CFAP54: variants seen among roughly 807,000 people sequenced by gnomAD.
CFAP54 encodes cilia and flagella associated protein 54.
Under a neutral mutation model 370.4 loss-of-function variants are expected in CFAP54, and 290 were observed. That is an observed-to-expected ratio of 0.78 (90% CI 0.71 to 0.86). CFAP54 has a LOEUF of 0.86. Ranked by LOEUF, CFAP54 falls within the 40% of genes least tolerant of loss-of-function variation. The probability of loss-of-function intolerance (pLI) is 0.00; values close to 1 mark genes in which losing one functional copy is unlikely to be tolerated. For synonymous variants in CFAP54, 1,206 were observed against 1,236.5 expected, an observed-to-expected ratio of 0.98 and a Z score of 0.52; for missense variants, 3,399 against 3,528.7, an observed-to-expected ratio of 0.96 and a Z score of 0.93.
intron 23 of CFAP54, among the ~76,000 whole-genome samples, chr12:96,590,217 C>G (rs183247409): frequency 6.6e-6 from 1 of 152,316 alleles, no homozygotes; most frequent in African/African-American, 2.4e-5. Context: ...AGGTTATGGT[C>G]TGACAGGTTG....
intron 32 of CFAP54, among the ~76,000 whole-genome samples, chr12:96,631,663 CATAAAT>C (rs1956609358): frequency 6.7e-6 from 1 of 149,456 alleles, no homozygotes; most frequent in African/African-American, 2.4e-5. Context: ...TAATACTACA[CATAAAT>C]ATAAATAACA....
Position 96,658,279 on chromosome 12 carries a change from A to C in CFAP54, c.5393A>C (p.Gln1798Pro). 1 of 1,614,204 alleles carries C rather than the reference A, an allele frequency of 6.2e-7. No homozygotes were observed. The highest frequency in any genetic ancestry group is 8.5e-7 in the Non-Finnish European group (1 of 1,180,008). Residue 1798 changes from glutamine (Q) to proline (P), a missense_variant, in exon 38 of 68, where the codon CAG becomes CCG. By Grantham distance (76) the Gln-to-Pro change is moderately conservative. Transcript: ENST00000524981. ...YAQRQLLLRIQKFKGPDITQQ... is the reference protein window; with the variant it reads ...YAQRQLLLRIPKFKGPDITQQ... ...CAGCGCCAGCTTCTGCTGAGAATACAGAAGTTCAAGGGCCCAGATATTACC... is the reference window on the plus strand; with the variant it reads ...CAGCGCCAGCTTCTGCTGAGAATACCGAAGTTCAAGGGCCCAGATATTACC...
At chr12:96,647,420 C>A (rs1956807110) in intron 33 of CFAP54, among the ~76,000 whole-genome samples, 1 of 135,728 alleles carries the variant, frequency 7.4e-6, no homozygotes, top group Non-Finnish European at 1.5e-5. Context: ...TTGCAGTGAG[C>A]CGATATCGCG....
intron 25 of CFAP54, among the ~76,000 whole-genome samples, chr12:96,598,339 A>G (rs1956201296): frequency 6.6e-6 from 1 of 152,030 alleles, no homozygotes; most frequent in Non-Finnish European, 1.5e-5. Context: ...TTTCAAATAC[A>G]TGTCACATTC....
intron 63 of CFAP54, among the ~76,000 whole-genome samples, chr12:96,799,430 T>C (rs1469949314): frequency 3.3e-5 from 5 of 152,200 alleles, no homozygotes; most frequent in African/African-American, 1.2e-4. Flanking sequence ...TGCTGTCCCC[T>C]CTAGCTGCGC....
intron 3 of CFAP54, among the ~76,000 whole-genome samples, chr12:96,505,039 T>TTTTCTTCC (rs1428620953): frequency 1.3e-5 from 2 of 151,498 alleles, no homozygotes; most frequent in African/African-American, 4.8e-5. Flanking sequence ...TCTTTCTTTC[T>TTTTCTTCC]TTTCTTCCTT....
intron 60 of CFAP54, among the ~76,000 whole-genome samples, chr12:96,775,256 C>T (rs987899736): frequency 3.3e-5 from 5 of 152,156 alleles, no homozygotes; most frequent in South Asian, 2.1e-4. Context: ...GGCGAAACCC[C>T]GTTTCTACTA....
At chr12:96,496,762 C>G (rs907002575) in intron 1 of CFAP54, among the ~76,000 whole-genome samples, 3 of 152,028 alleles carry the variant, frequency 2.0e-5, no homozygotes, top group South Asian at 2.1e-4. Flanking sequence ...GGATTGGACA[C>G]TTGTTAAGGG....
intron 46 of CFAP54, among the ~76,000 whole-genome samples, chr12:96,704,147 G>A (rs1957520099): frequency 6.6e-6 from 1 of 152,080 alleles, no homozygotes; most frequent in Non-Finnish European, 1.5e-5. Flanking sequence ...AAATACATCG[G>A]CCAGGTGCAG....
intron 56 of CFAP54, among the ~76,000 whole-genome samples, chr12:96,754,152 A>G (rs1393810144): frequency 6.6e-6 from 1 of 152,194 alleles, no homozygotes; most frequent in African/African-American, 2.4e-5. Context: ...TCTTACACAA[A>G]GTTTCAGGTT....
chr12:96,581,311 C>T (rs1290229526), intron 22 of CFAP54, among the ~76,000 whole-genome samples: 2 of 152,024 alleles, frequency 1.3e-5, no homozygotes, highest in African/African-American at 4.8e-5. Flanking sequence ...AACATTTTTT[C>T]CCCTGGATTA....
At chr12:96,724,638 T>C (rs1328134565) in intron 50 of CFAP54, among the ~76,000 whole-genome samples, 1 of 152,132 alleles carries the variant, frequency 6.6e-6, no homozygotes, top group Non-Finnish European at 1.5e-5. Context: ...CTGTTCACTC[T>C]GATGGTAGTT....
chr12:96,657,696 C>T (rs916238172), intron 36 of CFAP54, among the ~76,000 whole-genome samples, 186 bp from the exon 37 acceptor site: 1 of 152,224 alleles, frequency 6.6e-6, no homozygotes, highest in East Asian at 1.9e-4. Context: ...ACGTTTCCAT[C>T]ATCACAGCAA....
At position 96,748,551 on chromosome 12, in the gene CFAP54, A is replaced by G. The variant is rs145381050; in HGVS notation, c.7684+4405A>G. Reference sequence around the variant, plus strand: ...AGTGTTTTCCTCAGATTATATTCTGATTCCATGTTCTCTGCAAATACCTTT... The same window carrying G: ...AGTGTTTTCCTCAGATTATATTCTGGTTCCATGTTCTCTGCAAATACCTTT... On this transcript the variant is annotated intron_variant, in intron 55 of 67. Transcript: ENST00000524981. 7.2e-3 allele frequency among the ~76,000 whole-genome samples: 1,092 copies of G among 152,080 alleles called. 12 individuals are homozygous for G. The highest frequency in any genetic ancestry group is 9.1e-3 in the Non-Finnish European group (619 of 67,986).
chr12:96,859,222 G>A (rs1405180263), intron 66 of CFAP54, among the ~76,000 whole-genome samples: 1 of 152,146 alleles, frequency 6.6e-6, no homozygotes, highest in Non-Finnish European at 1.5e-5. Flanking sequence ...ACTGAAGCTG[G>A]ACCCCTTATT....
At chr12:96,577,598 T>G (rs1034744247) in intron 20 of CFAP54, among the ~76,000 whole-genome samples, 4 of 152,132 alleles carry the variant, frequency 2.6e-5, no homozygotes, top group Non-Finnish European at 4.4e-5. Flanking sequence ...CTCCAACCTT[T>G]CCTGGAAGTC....
At chr12:96,783,106 A>C (rs1172081063) in intron 60 of CFAP54, among the ~76,000 whole-genome samples, 1 of 152,216 alleles carries the variant, frequency 6.6e-6, no homozygotes, top group African/African-American at 2.4e-5. Flanking sequence ...CTTCCCATAA[A>C]GTTCTAAAAA....
intron 15 of CFAP54, among the ~76,000 whole-genome samples, chr12:96,549,248 T>A (rs1955670685): frequency 6.6e-6 from 1 of 152,154 alleles, no homozygotes; most frequent in Non-Finnish European, 1.5e-5. Flanking sequence ...GACATAGAAA[T>A]CCTACCTATA....
chr12:96,829,246 T>A (rs1959161485), intron 66 of CFAP54, among the ~76,000 whole-genome samples, 158 bp downstream of exon 66: 1 of 152,142 alleles, frequency 6.6e-6, no homozygotes, highest in Non-Finnish European at 1.5e-5. Flanking sequence ...ACACATTATT[T>A]TGGTTAAAAA....
Sources: allele counts gnomAD v4.1 joint callset (sites outside exome capture counted in the v4.1 genomes callset), GRCh38; gene constraint gnomAD v4.1.1; transcripts MANE v1.5; gene names NCBI Gene and HGNC (gene_info 2026-07-23, HGNC 2026-07-21).